Variants in CAMTA1 observed in about 807,000 individuals in gnomAD.
CAMTA1 encodes calmodulin binding transcription activator 1, also known as calmodulin-binding transcription activator 1.
Under a neutral mutation model 170.9 loss-of-function variants are expected in CAMTA1, and 27 were observed. The observed-to-expected ratio is 0.16, with a 90% CI of 0.12 to 0.22. The LOEUF is 0.22. Among genes scored for constraint, CAMTA1 ranks in the 10% least tolerant of loss-of-function variants. The pLI is 1.00. For synonymous variants in CAMTA1, 833 were observed against 891.5 expected (o/e 0.93, Z 1.17); for missense variants, 1,619 against 2,217.2 (o/e 0.73, Z 5.42).
At chr1:7,476,603 C>T (rs1257111828) in intron 6 of CAMTA1, among the ~76,000 whole-genome samples, 4 of 152,154 alleles carry the variant, frequency 2.6e-5, no homozygotes, top group Non-Finnish European at 4.4e-5. Context: ...TGGGAAGAGG[C>T]CCTCAGGACA....
chr1:7,546,850 G>A (rs2094700590), intron 6 of CAMTA1, among the ~76,000 whole-genome samples: 1 of 152,140 alleles, frequency 6.6e-6, no homozygotes, highest in Admixed American at 6.5e-5. Flanking sequence ...ACTCATGACT[G>A]GTGATGTTCA....
chr1:6,825,106 A>G lies in CAMTA1; in HGVS notation c.130A>G (p.Ser44Gly). The G allele has an allele frequency of 1.3e-6, 2 of 1,580,818 alleles. No homozygotes were observed. Among genetic ancestry groups the G allele is most frequent in the Non-Finnish European group, 1.7e-6 (2 of 1,157,256 alleles). Reference protein sequence around the residue: ...VPPIEDDHGNSNSSHVKIFLP... With the variant: ...VPPIEDDHGNGNSSHVKIFLP... ...CTTCTTTGTAGATGATCATGGGAAC[A>G]GCAATAGTAGTCATGTAAAAATCTT... The change falls in exon 3 of 23, where the codon AGC becomes GGC. Residue 44 changes from serine to glycine, a missense_variant. This residue lies in a region of CAMTA1 where 61 missense variants were observed against 57.7 expected (regional missense o/e 1.06). Transcript: ENST00000303635.
chr1:7,662,321 G>T (rs747817675), intron 8 of CAMTA1, among the ~76,000 whole-genome samples: 1 of 152,212 alleles, frequency 6.6e-6, no homozygotes, highest in Non-Finnish European at 1.5e-5. Flanking sequence ...AGCGTCCCGC[G>T]CTCTCCTTCC....
At chr1:7,280,283 A>G (rs887610847) in intron 5 of CAMTA1, among the ~76,000 whole-genome samples, 15 of 152,138 alleles carry the variant, frequency 9.9e-5, no homozygotes, top group Non-Finnish European at 1.9e-4. Flanking sequence ...TGCGCCCACC[A>G]GGGAAGGAAC....
chr1:6,997,495 A>G (rs185249133), intron 3 of CAMTA1, among the ~76,000 whole-genome samples: 59 of 152,146 alleles, frequency 3.9e-4, no homozygotes, highest in Non-Finnish European at 6.3e-4. Context: ...CTCTTCGGGC[A>G]GCCTCTCAAT....
chr1:7,747,654 G>T, intron 18 of CAMTA1, 56 bp from the exon 19 acceptor site: 1 of 1,263,436 alleles, frequency 7.9e-7, no homozygotes, highest in South Asian at 1.3e-5. Context: ...ATAAAAAGCT[G>T]ACATTTCTGG....
At chr1:7,472,506 C>T (rs2093350398) in intron 6 of CAMTA1, among the ~76,000 whole-genome samples, 1 of 152,260 alleles carries the variant, frequency 6.6e-6, no homozygotes, top group East Asian at 1.9e-4. Flanking sequence ...GTTGCTCAGT[C>T]AATAGGGGGC....
chr1:6,803,694 C>A (rs371616689), intron 1 of CAMTA1, among the ~76,000 whole-genome samples: 192 of 152,286 alleles, frequency 1.3e-3, no homozygotes, highest in African/African-American at 4.5e-3. Flanking sequence ...TCAGTAGTTA[C>A]AGGGATTTGG....
chr1:7,108,608 G>A (rs1395131463), intron 4 of CAMTA1, among the ~76,000 whole-genome samples: 3 of 152,196 alleles, frequency 2.0e-5, no homozygotes, highest in South Asian at 2.1e-4. Context: ...CCACATCACA[G>A]CATTCAAGAA....
intron 3 of CAMTA1, among the ~76,000 whole-genome samples, chr1:6,889,642 A>G (rs963924644): frequency 2.6e-5 from 4 of 152,200 alleles, no homozygotes; most frequent in African/African-American, 4.8e-5. Context: ...ATTATGGTTA[A>G]TGTCCACTTG....
At chr1:6,923,835 T>G (rs1682532807) in intron 3 of CAMTA1, among the ~76,000 whole-genome samples, 1 of 152,116 alleles carries the variant, frequency 6.6e-6, no homozygotes, top group Admixed American at 6.5e-5. Context: ...GCCAAGAAGG[T>G]GATGTCCTCT....
intron 4 of CAMTA1, among the ~76,000 whole-genome samples, chr1:7,188,041 G>T (rs1653767344): frequency 6.6e-6 from 1 of 152,184 alleles, no homozygotes; most frequent in Admixed American, 6.5e-5. Flanking sequence ...GGGGAAACAG[G>T]CACCTTCTTC....
chr1:7,530,804 G>A (rs1008008947), intron 6 of CAMTA1, among the ~76,000 whole-genome samples: 1 of 145,686 alleles, frequency 6.9e-6, no homozygotes, highest in African/African-American at 2.5e-5. Context: ...CCAGCACTGT[G>A]AGCTCTTGTT....
intron 6 of CAMTA1, among the ~76,000 whole-genome samples, chr1:7,548,848 GC>G (rs1243975613): frequency 2.8e-5 from 2 of 71,776 alleles, no homozygotes; most frequent in African/African-American, 3.8e-5. Context: ...CGTGGAGGGT[GC>G]CCCCTTAGGG....
At chr1:7,127,901 A>G (rs1182984397) in intron 4 of CAMTA1, among the ~76,000 whole-genome samples, 1 of 152,202 alleles carries the variant, frequency 6.6e-6, no homozygotes, top group Admixed American at 6.5e-5. Flanking sequence ...CTTGATTGGT[A>G]AACCGTTCTC....
chr1:7,586,660 A>C (rs920404282), intron 6 of CAMTA1, among the ~76,000 whole-genome samples: 1 of 151,780 alleles, frequency 6.6e-6, no homozygotes, highest in Admixed American at 6.6e-5. Context: ...GTAGAAGCAT[A>C]CCCCCGCCTG....
At chr1:7,351,265 C>G (rs546235036) in intron 5 of CAMTA1, among the ~76,000 whole-genome samples, 1 of 152,376 alleles carries the variant, frequency 6.6e-6, no homozygotes, top group African/African-American at 2.4e-5. Context: ...CTGCGCAGAG[C>G]TAGTGAATTG....
chr1:7,766,567 T>G lies in CAMTA1; in HGVS notation c.*76T>G. 1 of 1,329,606 alleles carries G rather than the reference T, an allele frequency of 7.5e-7. No homozygotes were observed. 82.4% of individuals were successfully genotyped at this position (1,329,606 alleles called of 1,614,324 possible). On this transcript the variant is annotated 3_prime_UTR_variant, in exon 23 of 23. Transcript: ENST00000303635. ...TTCATTTCTGTTTTTAGCAGAGACA[T>G]GCAACAACAACACACACGCACACAC... is the stretch of plus-strand genomic sequence containing the variant.
rs1393064794 is a variant in CAMTA1, at chr1:7,333,943, C to T, written c.438+84317C>T. Among the ~76,000 whole-genome samples the T allele has an allele frequency of 1.3e-5, 2 of 152,072 alleles. No homozygotes were observed. Among genetic ancestry groups the T allele is most frequent in the Non-Finnish European group, 2.9e-5 (2 of 68,020 alleles). ...GTTGGAAACTGCCAAGCAGCAGGGC[C>T]GCCTCTCTTTAGACTCCTGGGGCTC... On this transcript the variant is annotated intron_variant, in intron 5 of 22. Transcript: ENST00000303635. The surrounding 1 kb of genome is among the most constrained non-coding windows in gnomAD (Gnocchi z 4.4).
Sources: allele counts gnomAD v4.1 joint callset (sites outside exome capture counted in the v4.1 genomes callset), GRCh38; gene constraint gnomAD v4.1.1; regional missense constraint gnomAD v4.1.1; non-coding constraint Gnocchi (gnomAD v3.1); transcripts MANE v1.5; gene names NCBI Gene and HGNC (gene_info 2026-07-23, HGNC 2026-07-21).